The following CERS6 variants were observed in gnomAD, a reference collection of about 807,000 sequenced individuals.
CERS6 encodes the protein ceramide synthase 6.
CERS6 carries 26 observed loss-of-function variants against 56.8 expected under a neutral mutation model. The observed-to-expected ratio is 0.46, with a 90% CI of 0.34 to 0.63. CERS6 has a LOEUF of 0.63. Ranked by LOEUF, CERS6 falls within the 30% of genes least tolerant of loss-of-function variation. The pLI is 0.01. For synonymous variants in CERS6, 164 were observed against 173.3 expected (o/e 0.95, Z 0.42); for missense variants, 415 against 467.5 (o/e 0.89, Z 1.04).
intron 3 of CERS6, among the ~76,000 whole-genome samples, chr2:168,617,255 G>T (rs1323603854): frequency 6.6e-6 from 1 of 152,096 alleles, no homozygotes; most frequent in East Asian, 1.9e-4. Flanking sequence ...AAGGTTCATA[G>T]CCCTAAATGC....
intron 3 of CERS6, among the ~76,000 whole-genome samples, chr2:168,564,742 G>A (rs1695853962): frequency 6.6e-6 from 1 of 152,144 alleles, no homozygotes; most frequent in Non-Finnish European, 1.5e-5. Context: ...CCTCTCTGAA[G>A]TGTGGCCTGA....
chr2:168,645,365 T>G (rs1347771297), intron 4 of CERS6, among the ~76,000 whole-genome samples: 1 of 150,938 alleles, frequency 6.6e-6, no homozygotes, highest in Non-Finnish European at 1.5e-5. Context: ...ATTTAGAGTC[T>G]CTAACTTAGC....
rs115055009 is a variant in CERS6, at chr2:168,669,801, T to A, written c.466-21233T>A. Among the ~76,000 whole-genome samples, 1,087 of 152,290 alleles carry A rather than the reference T, an allele frequency of 7.1e-3. 16 individuals are homozygous for A. Among genetic ancestry groups the A allele is most frequent in the African/African-American group, 0.025 (1,027 of 41,550 alleles). ...TTACTCTGAGACATAAATTAGGAGA[T>A]TGTCATAAGAACTCATATATCTTAA... On this transcript the variant is annotated intron_variant, in intron 4 of 9. Coordinates refer to ENST00000305747, the MANE Select transcript of CERS6 (RefSeq NM_203463.3).
chr2:168,505,447 C>T (rs1373149996), intron 1 of CERS6, among the ~76,000 whole-genome samples: 1 of 151,238 alleles, frequency 6.6e-6, no homozygotes. Flanking sequence ...GGAAATCTCT[C>T]CCTATCAGAT....
chr2:168,580,491 T>A (rs1427251599), intron 3 of CERS6, among the ~76,000 whole-genome samples: 2 of 152,220 alleles, frequency 1.3e-5, no homozygotes, highest in African/African-American at 2.4e-5. Flanking sequence ...ATGTTCCCTC[T>A]TCTGACTTAA....
chr2:168,537,145 T>C (rs1695278982), intron 1 of CERS6, among the ~76,000 whole-genome samples: 1 of 152,220 alleles, frequency 6.6e-6, no homozygotes, highest in South Asian at 2.1e-4. Flanking sequence ...GATGCAATTT[T>C]GTTTAATAAA....
At chr2:168,501,085 A>G (rs1211661624) in intron 1 of CERS6, among the ~76,000 whole-genome samples, 1 of 152,220 alleles carries the variant, frequency 6.6e-6, no homozygotes, top group Admixed American at 6.5e-5. Context: ...GAAGGGGAGT[A>G]TAAGTGTTTA....
intron 8 of CERS6, among the ~76,000 whole-genome samples, chr2:168,735,076 A>G (rs1683670727): frequency 6.6e-6 from 1 of 152,230 alleles, no homozygotes; most frequent in African/African-American, 2.4e-5. Context: ...CACATACATT[A>G]TTCTCAAGTG....
chr2:168,775,035 A>C lies in CERS6; in HGVS notation c.*5373A>C, dbSNP rs1371669038. On this transcript the variant is annotated 3_prime_UTR_variant, in exon 10 of 10. Transcript: ENST00000305747. ...TGTGTTTTGCTGATTTTTATATGAA[A>C]ATATAATTATTCATTCTTGATCTCT... The C allele has an allele frequency of 6.6e-6, 1 of 152,216 alleles. No homozygotes were observed. Among genetic ancestry groups the C allele is most frequent in the Non-Finnish European group, 1.5e-5 (1 of 68,046 alleles). The allele number at this position is 152,216 out of a possible 1,614,324, so 9.4% of individuals were successfully genotyped here. A position where few individuals can be genotyped will look rare whatever the true frequency, so the allele number is the denominator to read the frequency against.
chr2:168,621,979 A>T (rs1463052575), intron 3 of CERS6, among the ~76,000 whole-genome samples: 2 of 152,248 alleles, frequency 1.3e-5, no homozygotes, highest in South Asian at 2.1e-4. Flanking sequence ...TAGTCATTTA[A>T]TACATTCTGA....
chr2:168,739,297 A>G (rs905622094), intron 8 of CERS6, among the ~76,000 whole-genome samples: 1 of 152,030 alleles, frequency 6.6e-6, no homozygotes, highest in Admixed American at 6.6e-5. Flanking sequence ...TGAAGAATGA[A>G]TAAATAGTAA....
At chr2:168,698,326 T>C (rs939323310) in intron 6 of CERS6, among the ~76,000 whole-genome samples, 4 of 150,566 alleles carry the variant, frequency 2.7e-5, no homozygotes, top group African/African-American at 9.8e-5. Context: ...TGAGGTTTAA[T>C]TGGCTCACGG....
chr2:168,483,776 G>A (rs1210100560), intron 1 of CERS6, among the ~76,000 whole-genome samples: 2 of 152,108 alleles, frequency 1.3e-5, no homozygotes, highest in African/African-American at 4.8e-5. Flanking sequence ...GAATAACTAG[G>A]CGTATTGGAA....
intron 1 of CERS6, among the ~76,000 whole-genome samples, chr2:168,527,343 T>A (rs1695088499): frequency 6.6e-6 from 1 of 152,186 alleles, no homozygotes; most frequent in South Asian, 2.1e-4. Flanking sequence ...GAGAGTACAT[T>A]TGTTGCAGTC....
At chr2:168,497,702 C>G (rs950575732) in intron 1 of CERS6, among the ~76,000 whole-genome samples, 10 of 152,196 alleles carry the variant, frequency 6.6e-5, no homozygotes, top group Admixed American at 5.9e-4. Context: ...GCTGGCTCAT[C>G]ACAGAGGGCC....
chr2:168,574,286 A>G (rs565414009), intron 3 of CERS6, among the ~76,000 whole-genome samples: 1 of 152,280 alleles, frequency 6.6e-6, no homozygotes, highest in African/African-American at 2.4e-5. Flanking sequence ...TCTTTGGCGT[A>G]TTAAAACCCA....
intron 3 of CERS6, among the ~76,000 whole-genome samples, chr2:168,592,948 G>A (rs1432499902): frequency 6.6e-6 from 1 of 152,180 alleles, no homozygotes; most frequent in Non-Finnish European, 1.5e-5. Flanking sequence ...AACTCAGGGT[G>A]TCAACCTAGC....
chr2:168,698,236 G>GAA (rs1214508784), intron 6 of CERS6, among the ~76,000 whole-genome samples: 3 of 124,986 alleles, frequency 2.4e-5, no homozygotes, highest in Admixed American at 7.8e-5. Flanking sequence ...TGTCTCACAG[G>GAA]AAAAAAAAAA....
At chr2:168,642,213 A>C (rs1378119242) in intron 4 of CERS6, among the ~76,000 whole-genome samples, 2 of 152,128 alleles carry the variant, frequency 1.3e-5, no homozygotes, top group African/African-American at 4.8e-5. Context: ...CTCTACAAAA[A>C]AATATAAAAA....
Sources: gnomAD v4.1 joint callset for allele counts (sites outside exome capture counted in the v4.1 genomes callset) on GRCh38, gnomAD v4.1.1 for gene constraint, MANE v1.5 for transcripts, NCBI Gene and HGNC (gene_info 2026-07-23, HGNC 2026-07-21) for gene names.